NEK6: variants seen among roughly 807,000 people sequenced by gnomAD.
NEK6 encodes the protein serine/threonine-protein kinase Nek6.
NEK6 carries 27 observed loss-of-function variants against 43.5 expected under a neutral mutation model. That is an observed-to-expected ratio of 0.62 (90% CI 0.46 to 0.86). NEK6 has a LOEUF of 0.86. NEK6 is among the 40% of genes least tolerant of loss of function. The pLI is 0.00. For synonymous variants in NEK6, 167 were observed against 164.1 expected (o/e 1.02, Z -0.14); for missense variants, 318 against 414.4 (o/e 0.77, Z 2.02).
intron 5 of NEK6, among the ~76,000 whole-genome samples, chr9:124,321,789 T>G (rs1268347749): frequency 3.9e-5 from 6 of 152,340 alleles, no homozygotes; most frequent in South Asian, 4.1e-4. Context: ...GGCCTCTTTC[T>G]TTCCACTGGC....
At chr9:124,332,864 G>C (rs1187159179) in intron 7 of NEK6, among the ~76,000 whole-genome samples, 1 of 152,178 alleles carries the variant, frequency 6.6e-6, no homozygotes, top group Non-Finnish European at 1.5e-5. Context: ...GGAAGGTCAG[G>C]GTTTGTCAGG....
Position 124,309,967 on chromosome 9 carries a change from C to T in NEK6, c.91-2542C>T, listed in dbSNP as rs144814219. ...GGCCCCCTTTTGAAGAGGCCGGTGGCGGGTCCTGGGGCGGGGCCTGGGGCA... is the reference window on the plus strand; with the variant it reads ...GGCCCCCTTTTGAAGAGGCCGGTGGTGGGTCCTGGGGCGGGGCCTGGGGCA... On this transcript the variant is annotated intron_variant, in intron 2 of 9. Transcript: ENST00000320246. Among the ~76,000 whole-genome samples, 1,484 of 152,214 alleles carry T rather than the reference C, an allele frequency of 9.7e-3. 18 individuals are homozygous for T. Among genetic ancestry groups the T allele is most frequent in the African/African-American group, 0.033 (1,378 of 41,518 alleles).
At chr9:124,310,953 A>G (rs1833497721) in intron 2 of NEK6, among the ~76,000 whole-genome samples, 1 of 152,196 alleles carries the variant, frequency 6.6e-6, no homozygotes. Context: ...TCATTAAGTC[A>G]TGATTCAGGG....
intron 2 of NEK6, among the ~76,000 whole-genome samples, chr9:124,311,511 C>T (rs569905855): frequency 6.6e-6 from 1 of 152,316 alleles, no homozygotes; most frequent in South Asian, 2.1e-4. Flanking sequence ...GCTCACTGCA[C>T]AGGTGTCCTG....
intron 1 of NEK6, among the ~76,000 whole-genome samples, chr9:124,262,005 G>A (rs910476713): frequency 4.0e-5 from 6 of 150,118 alleles, no homozygotes; most frequent in Non-Finnish European, 5.9e-5. Flanking sequence ...TGCACATGCC[G>A]TGGAACTTTA....
In NEK6 at chr9:124,321,092, G is replaced by A. The variant is rs558518559; in HGVS notation, c.295-367G>A. ...GGGGCCCAATGCCGCCCTCAGGGTC[G>A]GGGTGGTGAGGAGGAGGGGGAGGGT... On this transcript the variant is annotated intron_variant, in intron 4 of 9. Transcript: ENST00000320246. 7.3e-4 allele frequency among the ~76,000 whole-genome samples: 111 copies of A among 152,326 alleles called. 2 individuals are homozygous for A. The highest frequency in any genetic ancestry group is 2.5e-3 in the African/African-American group (104 of 41,580).
chr9:124,302,132 C>T (rs959472006), intron 2 of NEK6, 78 bp downstream of exon 2: 66 of 1,089,618 alleles, frequency 6.1e-5, no homozygotes, highest in African/African-American at 8.0e-5. Context: ...TTTGTCCAAA[C>T]TCCTACTGGT....
chr9:124,302,998 T>TA (rs1220663205), intron 2 of NEK6, among the ~76,000 whole-genome samples: 1 of 152,226 alleles, frequency 6.6e-6, no homozygotes, highest in Non-Finnish European at 1.5e-5. Context: ...GGTCTGCTCT[T>TA]ACGGAGCACA....
intron 1 of NEK6, among the ~76,000 whole-genome samples, chr9:124,280,149 T>TTG (rs1467443913): frequency 3.3e-5 from 5 of 151,108 alleles, no homozygotes; most frequent in African/African-American, 9.7e-5. Flanking sequence ...GGCTGTGTCC[T>TTG]TGCAGGTTCA....
intron 2 of NEK6, 31 bp downstream of exon 2, chr9:124,302,085 T>C (rs370559238): frequency 2.3e-5 from 35 of 1,493,570 alleles, no homozygotes; most frequent in Non-Finnish European, 5.5e-6. Context: ...TGCAGCACAC[T>C]GAAGAGTTCC....
chr9:124,283,323 T>C (rs78440401), intron 1 of NEK6, among the ~76,000 whole-genome samples: 22,373 of 152,206 alleles, frequency 0.15, 1,699 homozygotes, highest in Non-Finnish European at 0.17. Context: ...CGACGGAGCC[T>C]CAGTGGGGCC....
intron 6 of NEK6, 90 bp from the exon 7 acceptor site, chr9:124,327,248 A>G: frequency 1.9e-6 from 2 of 1,037,078 alleles, no homozygotes; most frequent in Non-Finnish European, 3.0e-6. Flanking sequence ...GACCTGGGCT[A>G]GGCCTCACCT....
At chr9:124,330,988 C>T (rs971359493) in intron 7 of NEK6, among the ~76,000 whole-genome samples, 2 of 152,118 alleles carry the variant, frequency 1.3e-5, no homozygotes, top group South Asian at 2.1e-4. Context: ...GTTGGCCAGG[C>T]GTGGTGGCTC....
At chr9:124,305,777 C>T (rs1250617669) in intron 2 of NEK6, among the ~76,000 whole-genome samples, 2 of 152,138 alleles carry the variant, frequency 1.3e-5, no homozygotes, top group Non-Finnish European at 2.9e-5. Flanking sequence ...GAGGCCAGTT[C>T]TGCTAGATAG....
At chr9:124,329,951 C>T (rs1828882313) in intron 7 of NEK6, among the ~76,000 whole-genome samples, 1 of 152,262 alleles carries the variant, frequency 6.6e-6, no homozygotes, top group Non-Finnish European at 1.5e-5. Flanking sequence ...CTCATGTGCA[C>T]CTACTATGTG....
intron 1 of NEK6, among the ~76,000 whole-genome samples, chr9:124,267,561 G>A (rs1301106751): frequency 6.6e-6 from 1 of 152,270 alleles, no homozygotes; most frequent in Non-Finnish European, 1.5e-5. Context: ...GGACAAGTGT[G>A]GGAGCCGCCT....
At chr9:124,350,057 T>C (rs1230526504) in intron 9 of NEK6, among the ~76,000 whole-genome samples, 6 of 152,196 alleles carry the variant, frequency 3.9e-5, no homozygotes, top group African/African-American at 1.2e-4. Flanking sequence ...TGAGTGAGTG[T>C]GGCCACTGAG....
At chr9:124,264,916 G>A (rs945527254) in intron 1 of NEK6, among the ~76,000 whole-genome samples, 1 of 152,188 alleles carries the variant, frequency 6.6e-6, no homozygotes, top group African/African-American at 2.4e-5. Flanking sequence ...TGAGCTCCGG[G>A]GAGGCGAAGG....
intron 1 of NEK6, chr9:124,292,559 C>T (rs376954816): frequency 1.0e-5 from 16 of 1,536,674 alleles, no homozygotes; most frequent in East Asian, 2.4e-5. Context: ...TTACAAACAC[C>T]GAAGCCCTCC....
Sources: allele counts gnomAD v4.1 joint callset (sites outside exome capture counted in the v4.1 genomes callset), GRCh38; gene constraint gnomAD v4.1.1; transcripts MANE v1.5; gene names NCBI Gene and HGNC (gene_info 2026-07-23, HGNC 2026-07-21).